The following COL5A1 variants were observed in gnomAD, a reference collection of about 807,000 sequenced individuals.
The protein encoded by COL5A1 is collagen alpha-1(V) chain.
Under a neutral mutation model 263.7 loss-of-function variants are expected in COL5A1, and 16 were observed. The ratio of observed to expected loss-of-function variants is 0.06; its 90% CI spans 0.04 to 0.09. The LOEUF is 0.09. Among genes scored for constraint, COL5A1 ranks in the 10% least tolerant of loss-of-function variants. COL5A1 has a pLI of 1.00. For missense variants in COL5A1, 2,036 were observed against 2,540.5 expected (o/e 0.80, Z 4.27); for synonymous variants, 1,012 against 1,004.5 (o/e 1.01, Z -0.14).
chr9:134,712,025 T>G (rs2132598934), intron 4 of COL5A1, among the ~76,000 whole-genome samples: 1 of 39,734 alleles, frequency 2.5e-5, no homozygotes, highest in Non-Finnish European at 4.9e-5. Flanking sequence ...CCCTCCTTCC[T>G]TCCCCCCTTC....
intron 1 of COL5A1, among the ~76,000 whole-genome samples, chr9:134,645,857 G>A (rs1344363644): frequency 6.6e-6 from 1 of 152,208 alleles, no homozygotes; most frequent in East Asian, 1.9e-4. Flanking sequence ...CCTGGCCTGG[G>A]GGCCCAGTCC....
intron 3 of COL5A1, 70 bp from the exon 4 acceptor site, chr9:134,701,101 A>C: frequency 5.3e-5 from 81 of 1,517,134 alleles, no homozygotes; most frequent in Non-Finnish European, 6.8e-5. Flanking sequence ...GTCTCGAGGA[A>C]TTTGCAGCAA....
At position 134,647,877 on chromosome 9, in the gene COL5A1, C is replaced by T. The variant is rs558744028; in HGVS notation, c.109+5581C>T. ...TCTGGCCTGGCTGGTGGATGTGCCTCGATCCTGCAGGCGGAGCCCACAGCG... is the reference window on the plus strand; with the variant it reads ...TCTGGCCTGGCTGGTGGATGTGCCTTGATCCTGCAGGCGGAGCCCACAGCG... On this transcript the variant is annotated intron_variant, in intron 1 of 65. Coordinates refer to ENST00000371817, the MANE Select transcript of COL5A1 (RefSeq NM_000093.5). The surrounding 1 kb of genome is among the most constrained non-coding windows in gnomAD (Gnocchi z 5.0). Among the ~76,000 whole-genome samples the T allele has an allele frequency of 2.6e-5, 4 of 152,318 alleles. No homozygotes were observed. The highest frequency in any genetic ancestry group is 3.9e-4 in the East Asian group (2 of 5,190).
intron 11 of COL5A1, 137 bp from the exon 12 acceptor site, chr9:134,750,405 C>G: frequency 1.3e-6 from 1 of 778,212 alleles, no homozygotes; most frequent in Non-Finnish European, 2.2e-6. Flanking sequence ...AACATTCCTG[C>G]CACGGGGTCT....
chr9:134,696,247 C>A lies in COL5A1; in HGVS notation c.278-3662C>A, dbSNP rs1276624349. Among the ~76,000 whole-genome samples the A allele has an allele frequency of 6.6e-6, 1 of 152,144 alleles. No individual in the cohort carries two copies. Among genetic ancestry groups the A allele is most frequent in the African/African-American group, 2.4e-5 (1 of 41,436 alleles). On this transcript the variant is annotated intron_variant, in intron 2 of 65. Transcript: ENST00000371817. This position sits in a 1 kb window ranked among gnomAD's most constrained non-coding sequence, Gnocchi z 4.3. ...GGAGTGCAGTGGTGTAATCTTGGCTCACGGCAACCTCTGCCTCCCAGGTTC... is the reference window on the plus strand; with the variant it reads ...GGAGTGCAGTGGTGTAATCTTGGCTAACGGCAACCTCTGCCTCCCAGGTTC...
intron 4 of COL5A1, among the ~76,000 whole-genome samples, chr9:134,711,933 G>T (rs1267706492): frequency 6.6e-6 from 1 of 151,824 alleles, no homozygotes; most frequent in Non-Finnish European, 1.5e-5. Flanking sequence ...TCCTGGGCCT[G>T]TCTGTGAGTG....
In COL5A1 at chr9:134,749,599, C is replaced by T. The variant is rs533589832; in HGVS notation, c.1495-943C>T. ...CCATCATGGGTTTCCTGGCAGGGAG[C>T]GTCTCACTCAGGTGGTGTGAACACA... On this transcript the variant is annotated intron_variant, in intron 11 of 65. Transcript: ENST00000371817. Among the ~76,000 whole-genome samples the T allele has an allele frequency of 1.2e-3, 178 of 152,304 alleles. 2 individuals are homozygous for T. In the South Asian group the frequency reaches 0.012, roughly 10 times the overall value.
chr9:134,812,739 A>T, intron 48 of COL5A1, 27 bp downstream of exon 48: 1 of 1,475,858 alleles, frequency 6.8e-7, no homozygotes, highest in Non-Finnish European at 9.3e-7. Context: ...CTCTGGTGGC[A>T]GATTTGCGGT....
In COL5A1 at chr9:134,822,059, T is replaced by C; in HGVS notation, c.4555-38T>C. ...GTTGCAGCCCCGCAGCTCCTCCTCG[T>C]CTGAAGGTGATAACCTGCATTTTCT... On this transcript the variant is annotated intron_variant, in intron 58 of 65. Transcript: ENST00000371817. The C allele has an allele frequency of 3.1e-6, 5 of 1,598,664 alleles. No individual in the cohort carries two copies. The South Asian group carries it at 5.5e-5, about 18-fold the overall frequency.
Position 134,748,506 on chromosome 9 carries a change from G to A in COL5A1, c.1495-2036G>A, listed in dbSNP as rs112290467. Among the ~76,000 whole-genome samples, 1,312 of 152,352 alleles carry A rather than the reference G, an allele frequency of 8.6e-3. 7 individuals carry two copies. The highest frequency in any genetic ancestry group is 0.013 in the Non-Finnish European group (909 of 68,034). On this transcript the variant is annotated intron_variant, in intron 11 of 65. Transcript: ENST00000371817. ...AATCTTAAATGCAAGGTTTGGTTTG[G>A]AATTGATTCCGACACAGGAATCTCA...
At chr9:134,751,596 G>A (rs1357807862) in intron 13 of COL5A1, among the ~76,000 whole-genome samples, 1 of 131,414 alleles carries the variant, frequency 7.6e-6, no homozygotes, top group Non-Finnish European at 1.6e-5. Flanking sequence ...TTAGTGGCCT[G>A]TGTTTTCTGT....
rs189097790 is a variant in COL5A1, at chr9:134,647,068, A to G, written c.109+4772A>G. On this transcript the variant is annotated intron_variant, in intron 1 of 65. Coordinates refer to ENST00000371817, the MANE Select transcript of COL5A1 (RefSeq NM_000093.5). This position sits in a 1 kb window ranked among gnomAD's most constrained non-coding sequence, Gnocchi z 5.0. ...GTGTGGGGACGTTACCATCGCCCCC[A>G]TCTTCAGTGGTGGTTTTGCAGGAGG... 2.6e-5 allele frequency among the ~76,000 whole-genome samples: 4 copies of G among 152,088 alleles called. No homozygotes were observed. Among genetic ancestry groups the G allele is most frequent in the Non-Finnish European group, 4.4e-5 (3 of 68,016 alleles).
chr9:134,672,906 G>A (rs1017465733), intron 1 of COL5A1, among the ~76,000 whole-genome samples: 1 of 152,108 alleles, frequency 6.6e-6, no homozygotes, highest in African/African-American at 2.4e-5. Flanking sequence ...TTAAAAAGCT[G>A]TTACAACAAT....
chr9:134,668,007 T>C (rs1832411644), intron 1 of COL5A1, among the ~76,000 whole-genome samples: 2 of 152,320 alleles, frequency 1.3e-5, no homozygotes, highest in African/African-American at 4.8e-5. Flanking sequence ...TGAGACCTGC[T>C]CATCCACCTT....
At chr9:134,790,839 C>T (rs951380460) in intron 32 of COL5A1, among the ~76,000 whole-genome samples, 2 of 151,856 alleles carry the variant, frequency 1.3e-5, no homozygotes, top group African/African-American at 4.8e-5. Context: ...GTGGGCTGCT[C>T]CTGTGCTGGG....
rs574940195 is a variant in COL5A1 at position 134,696,932 on chromosome 9, T to A, written c.278-2977T>A. Among the ~76,000 whole-genome samples the A allele has an allele frequency of 2.5e-3, 385 of 151,908 alleles. 1 individual carries two copies. Among genetic ancestry groups the A allele is most frequent in the Admixed American group, 0.012 (177 of 15,256 alleles). On this transcript the variant is annotated intron_variant, in intron 2 of 65. Coordinates refer to ENST00000371817, the MANE Select transcript of COL5A1 (RefSeq NM_000093.5). This position sits in a 1 kb window ranked among gnomAD's most constrained non-coding sequence, Gnocchi z 4.3. ...AAAAATACAAAAAAATTAGCCAGGCTTGGTGGCGGGTGCCTGTAGTCCCAG... is the reference window on the plus strand; with the variant it reads ...AAAAATACAAAAAAATTAGCCAGGCATGGTGGCGGGTGCCTGTAGTCCCAG...
At chr9:134,661,058 A>G (rs772695396) in intron 1 of COL5A1, among the ~76,000 whole-genome samples, 20 of 152,034 alleles carry the variant, frequency 1.3e-4, no homozygotes, top group Non-Finnish European at 2.9e-4. Context: ...GAGTGATCTC[A>G]GCTTACCACA....
intron 6 of COL5A1, among the ~76,000 whole-genome samples, chr9:134,729,363 C>G (rs1834783084): frequency 6.6e-6 from 1 of 152,174 alleles, no homozygotes; most frequent in South Asian, 2.1e-4. Flanking sequence ...GGTGGGTGTC[C>G]TCCTGGGGAG....
At chr9:134,797,164 C>T (rs1031830363) in intron 36 of COL5A1, among the ~76,000 whole-genome samples, 1 of 151,646 alleles carries the variant, frequency 6.6e-6, no homozygotes, top group African/African-American at 2.4e-5. Context: ...CTGGGGTCCT[C>T]TCTCCTTGAG....
Sources: gnomAD v4.1 joint callset for allele counts (sites outside exome capture counted in the v4.1 genomes callset) on GRCh38, gnomAD v4.1.1 for gene constraint, Gnocchi (gnomAD v3.1) non-coding constraint, MANE v1.5 for transcripts, NCBI Gene and HGNC (gene_info 2026-07-23, HGNC 2026-07-21) for gene names.